The following RPH3AL variants were observed in gnomAD, a reference collection of about 807,000 sequenced individuals.
The protein encoded by RPH3AL is rab effector Noc2.
In RPH3AL, 38 loss-of-function variants were observed where a neutral mutation model predicts 43.1. The observed-to-expected ratio is 0.88, with a 90% CI of 0.68 to 1.15. RPH3AL has a LOEUF of 1.15. Ranked by LOEUF, RPH3AL falls within the 50% of genes most tolerant of loss-of-function variation. RPH3AL has a pLI of 0.00. For missense variants in RPH3AL, 462 were observed against 423.2 expected (o/e 1.09, Z -0.81); for synonymous variants, 189 against 176.3 (o/e 1.07, Z -0.57).
intron 1 of RPH3AL, among the ~76,000 whole-genome samples, chr17:341,851 T>C (rs1390115328): frequency 6.6e-6 from 1 of 152,184 alleles, no homozygotes; most frequent in African/African-American, 2.4e-5. Context: ...CCTGGCTGAC[T>C]TTATCGTAAT....
chr17:341,129 A>C (rs1033430294), intron 1 of RPH3AL: 4 of 140,810 alleles, frequency 2.8e-5, no homozygotes, highest in Admixed American at 7.4e-5. Context: ...GCCCCTGCCC[A>C]GGTCTCCCCA....
chr17:348,681 C>A (rs1427027305), intron 1 of RPH3AL, among the ~76,000 whole-genome samples: 4 of 152,226 alleles, frequency 2.6e-5, no homozygotes, highest in East Asian at 3.9e-4. Context: ...GAGTGTTATA[C>A]CCTCCCGAAT....
intron 6 of RPH3AL, among the ~76,000 whole-genome samples, chr17:252,615 G>A (rs782310449): frequency 3.3e-5 from 5 of 152,066 alleles, no homozygotes; most frequent in South Asian, 2.1e-4. Context: ...GCACCTCACC[G>A]AGGGACATTT....
At position 283,630 on chromosome 17, in the gene RPH3AL, G is replaced by A. The variant is rs776884771; in HGVS notation, c.352-1776C>T. Among the ~76,000 whole-genome samples, 1 of 152,060 alleles carries A rather than the reference G, an allele frequency of 6.6e-6. No individual in the cohort carries two copies. The highest frequency in any genetic ancestry group is 1.5e-5 in the Non-Finnish European group (1 of 68,000). On this transcript the variant is annotated intron_variant, in intron 5 of 9. Coordinates refer to ENST00000331302, the MANE Select transcript of RPH3AL (RefSeq NM_006987.4). The surrounding 1 kb of genome is among the most constrained non-coding windows in gnomAD (Gnocchi z 4.2). ...AGCGCCGTCCACACTCCTCACTGCT[G>A]GCCTTCTTGCTTCCCAAGCTCTCAT...
intron 7 of RPH3AL, among the ~76,000 whole-genome samples, chr17:221,549 T>G (rs372107579): frequency 4.2e-4 from 23 of 55,250 alleles, no homozygotes; most frequent in South Asian, 9.0e-4. Context: ...CTCTGAGGCC[T>G]CCACTCACTG....
chr17:332,813 C>A (rs755792445), intron 2 of RPH3AL: 3 of 350,766 alleles, frequency 8.6e-6, no homozygotes, highest in Non-Finnish European at 1.6e-5. Flanking sequence ...CCTGGTGCCA[C>A]CTCGACCCCG....
At chr17:223,248 C>CTG in intron 7 of RPH3AL, among the ~76,000 whole-genome samples, 1 of 151,804 alleles carries the variant, frequency 6.6e-6, no homozygotes. Context: ...ACAATTGTCT[C>CTG]TTTTCTGCCT....
At chr17:295,781 G>C (rs1358604834) in intron 5 of RPH3AL, among the ~76,000 whole-genome samples, 1 of 100,024 alleles carries the variant, frequency 1.0e-5, no homozygotes, top group Admixed American at 9.1e-5. Context: ...CAGAGGAGCT[G>C]CAGAAATGGA....
intron 6 of RPH3AL, among the ~76,000 whole-genome samples, chr17:268,414 T>C (rs1284825865): frequency 6.6e-6 from 1 of 152,200 alleles, no homozygotes; most frequent in Non-Finnish European, 1.5e-5. Flanking sequence ...ATTGTAAGAA[T>C]ATAGTATATA....
At chr17:269,857 C>G (rs564361011) in intron 6 of RPH3AL, among the ~76,000 whole-genome samples, 3 of 152,188 alleles carry the variant, frequency 2.0e-5, no homozygotes, top group Non-Finnish European at 4.4e-5. Context: ...AGTGCACAGA[C>G]GTGGGCTCAG....
At chr17:235,267 G>A (rs1597898414) in intron 7 of RPH3AL, among the ~76,000 whole-genome samples, 1 of 149,458 alleles carries the variant, frequency 6.7e-6, no homozygotes, top group East Asian at 2.0e-4. Flanking sequence ...CAAAGCTGGG[G>A]TCGGCCGAGG....
chr17:324,698 GCTAGCTATGTACCTAT>G (rs888120706), intron 3 of RPH3AL, among the ~76,000 whole-genome samples: 1 of 130,654 alleles, frequency 7.7e-6, no homozygotes, highest in African/African-American at 2.9e-5. Flanking sequence ...TATCTAGCTA[GCTAGCTATGTACCTAT>G]CTATCTATCT....
rs1045362357 is a variant in RPH3AL at position 333,087 on chromosome 17, C to T, written c.-37+672G>A. The T allele has an allele frequency of 4.7e-6, 6 of 1,287,662 alleles. No homozygotes were observed. Among genetic ancestry groups the T allele is most frequent in the Non-Finnish European group, 6.1e-6 (6 of 988,274 alleles). 79.8% of individuals were successfully genotyped at this position (1,287,662 alleles called of 1,614,324 possible). A position where few individuals can be genotyped will look rare whatever the true frequency, so the allele number is the denominator to read the frequency against. On this transcript the variant is annotated intron_variant, in intron 2 of 9. Coordinates refer to ENST00000331302, the MANE Select transcript of RPH3AL (RefSeq NM_006987.4). The surrounding 1 kb of genome is among the most constrained non-coding windows in gnomAD (Gnocchi z 4.5). ...GCAATTCTCTCTCTAAAGTCGAGAGCTCACCACCCCGGGCGTTCGTCACTG... is the reference window on the plus strand; with the variant it reads ...GCAATTCTCTCTCTAAAGTCGAGAGTTCACCACCCCGGGCGTTCGTCACTG...
chr17:259,270 G>A lies in RPH3AL; in HGVS notation c.439-11985C>T, dbSNP rs576127670. Among the ~76,000 whole-genome samples the A allele has an allele frequency of 6.6e-5, 10 of 152,324 alleles. 1 individual carries two copies. In the South Asian group the frequency reaches 1.7e-3, roughly 25 times the overall value. The stretch of plus-strand genomic sequence containing the variant: ...CACACAGGTGTATCATCCAGTACAG[G>A]AGGTGCACCCATGCAGATGTGCATA... On this transcript the variant is annotated intron_variant, in intron 6 of 9. Transcript: ENST00000331302.
At chr17:316,836 C>G (rs974955558) in intron 5 of RPH3AL, among the ~76,000 whole-genome samples, 2 of 148,736 alleles carry the variant, frequency 1.3e-5, no homozygotes, top group African/African-American at 5.0e-5. Context: ...CCTGTAGTCC[C>G]TGTGACTCCA....
intron 2 of RPH3AL, chr17:332,787 T>C (rs900531084): frequency 1.3e-5 from 4 of 319,768 alleles, no homozygotes; most frequent in African/African-American, 2.1e-5. Context: ...GAGCCTCCTC[T>C]GGGAAGCTGA....
At chr17:288,863 CCT>C (rs200969636) in intron 5 of RPH3AL, among the ~76,000 whole-genome samples, 1 of 1,600 alleles carries the variant, frequency 6.3e-4, no homozygotes, top group Admixed American at 0.031. Flanking sequence ...GACCTCGCAC[CCT>C]CTCTCTCCAC....
At chr17:321,540 G>A (rs1386842371) in intron 3 of RPH3AL, 125 bp from the exon 4 acceptor site, 18 of 1,091,522 alleles carry the variant, frequency 1.6e-5, no homozygotes, top group South Asian at 8.2e-5. Flanking sequence ...GTGCCGGGAC[G>A]ACGAGCGCGG....
chr17:218,267 C>G (rs797038972), intron 8 of RPH3AL, among the ~76,000 whole-genome samples: 6,869 of 87,460 alleles, frequency 0.079, no homozygotes, highest in East Asian at 0.17. Flanking sequence ...ATTATGGAGC[C>G]CTTTCTTCTT....
Sources: gnomAD v4.1 joint callset for allele counts (sites outside exome capture counted in the v4.1 genomes callset) on GRCh38, gnomAD v4.1.1 for gene constraint, Gnocchi (gnomAD v3.1) non-coding constraint, MANE v1.5 for transcripts, NCBI Gene and HGNC (gene_info 2026-07-23, HGNC 2026-07-21) for gene names.